SDK1: variants seen among roughly 807,000 people sequenced by gnomAD.
SDK1 encodes the protein protein sidekick-1.
SDK1 carries 157 observed loss-of-function variants against 245.5 expected under a neutral mutation model. The observed-to-expected ratio is 0.64, with a 90% CI of 0.56 to 0.73. SDK1 has a LOEUF of 0.73. Ranked by LOEUF, SDK1 falls within the 30% of genes least tolerant of loss-of-function variation. The pLI, the probability that SDK1 is intolerant of heterozygous loss-of-function variation, is 0.00. For missense variants in SDK1, 3,583 were observed against 3,002.3 expected, an observed-to-expected ratio of 1.19 and a Z score of -4.52; for synonymous variants, 1,647 against 1,278.5, an observed-to-expected ratio of 1.29 and a Z score of -6.15.
In SDK1 at chr7:3,959,047, A is replaced by G. The variant is rs1031377766; in HGVS notation, c.1234+33A>G. ...CAGAGTGGCTGCTGGACAAGGAGCC[A>G]TGACTGGGAGGAAGGGAAACAACCT... is the stretch of plus-strand genomic sequence containing the variant. On this transcript the variant is annotated intron_variant, in intron 8 of 44. Transcript: ENST00000404826. 3.3e-6 allele frequency: 5 copies of G among 1,528,162 alleles called. No individual in the cohort carries two copies. In the South Asian group the frequency reaches 3.4e-5, roughly 10 times the overall value. 94.7% of individuals were successfully genotyped at this position (1,528,162 alleles called of 1,614,324 possible).
chr7:3,768,663 G>A (rs560200435), intron 4 of SDK1, among the ~76,000 whole-genome samples: 171 of 152,296 alleles, frequency 1.1e-3, no homozygotes, highest in African/African-American at 3.7e-3. Context: ...AAGTTTTCAC[G>A]TGTGCATCGG....
At chr7:3,897,590 C>A (rs938445499) in intron 5 of SDK1, among the ~76,000 whole-genome samples, 3 of 152,148 alleles carry the variant, frequency 2.0e-5, no homozygotes, top group Non-Finnish European at 4.4e-5. Flanking sequence ...TTATGTCTTT[C>A]CTTTCATGTG....
At chr7:4,045,168 A>G (rs1481848715) in intron 17 of SDK1, among the ~76,000 whole-genome samples, 1 of 152,122 alleles carries the variant, frequency 6.6e-6, no homozygotes, top group Non-Finnish European at 1.5e-5. Context: ...TTTCCCATCC[A>G]TTGGTTTAAA....
At chr7:3,365,586 A>T (rs892435166) in intron 1 of SDK1, among the ~76,000 whole-genome samples, 1 of 152,218 alleles carries the variant, frequency 6.6e-6, no homozygotes, top group Non-Finnish European at 1.5e-5. Context: ...TTATCTTACT[A>T]TACACATAAA....
intron 4 of SDK1, among the ~76,000 whole-genome samples, chr7:3,813,419 T>G (rs1211305428): frequency 7.0e-6 from 1 of 143,092 alleles, no homozygotes; most frequent in Non-Finnish European, 1.5e-5. Flanking sequence ...ATTTCATCCA[T>G]GTCCCTACAA....
At chr7:3,991,183 C>T (rs569027800) in intron 14 of SDK1, among the ~76,000 whole-genome samples, 7 of 152,304 alleles carry the variant, frequency 4.6e-5, no homozygotes, top group African/African-American at 7.2e-5. Flanking sequence ...CTGGGCCAGA[C>T]GGGCGACGAG....
At chr7:4,167,607 G>C (rs973682687) in intron 32 of SDK1, among the ~76,000 whole-genome samples, 5 of 152,128 alleles carry the variant, frequency 3.3e-5, no homozygotes, top group African/African-American at 1.2e-4. Flanking sequence ...GTTGAACTCC[G>C]GCAAGTCCCA....
At chr7:4,246,880 C>T (rs577415042) in intron 44 of SDK1, among the ~76,000 whole-genome samples, 23 of 152,174 alleles carry the variant, frequency 1.5e-4, no homozygotes, top group Admixed American at 3.9e-4. Context: ...AGGTCCTGTG[C>T]GGCGTGACCC....
At chr7:3,601,676 A>C (rs1314089317) in intron 1 of SDK1, among the ~76,000 whole-genome samples, 3 of 151,080 alleles carry the variant, frequency 2.0e-5, no homozygotes, top group African/African-American at 7.3e-5. Flanking sequence ...TATTTATTTA[A>C]ATTTTATTTT....
chr7:3,837,407 T>A (rs1780052386), intron 5 of SDK1, among the ~76,000 whole-genome samples: 1 of 152,226 alleles, frequency 6.6e-6, no homozygotes, highest in Non-Finnish European at 1.5e-5. Context: ...CTGTGCATTC[T>A]CCTAAGGAAG....
chr7:4,079,971 C>T (rs1444930166), intron 22 of SDK1, among the ~76,000 whole-genome samples: 1 of 152,164 alleles, frequency 6.6e-6, no homozygotes, highest in East Asian at 1.9e-4. Flanking sequence ...ATTCATTCAA[C>T]AATATTTTTA....
intron 1 of SDK1, among the ~76,000 whole-genome samples, chr7:3,539,440 A>G (rs1450228356): frequency 1.3e-5 from 2 of 152,140 alleles, no homozygotes; most frequent in African/African-American, 2.4e-5. Context: ...CTTTGCCTTT[A>G]TTACCTGGAG....
At chr7:3,359,960 A>G (rs948550102) in intron 1 of SDK1, among the ~76,000 whole-genome samples, 1 of 152,236 alleles carries the variant, frequency 6.6e-6, no homozygotes, top group Non-Finnish European at 1.5e-5. Flanking sequence ...ATTTACAGCA[A>G]CAGACACACT....
chr7:4,236,370 G>A (rs1786169170), intron 41 of SDK1, among the ~76,000 whole-genome samples: 1 of 152,208 alleles, frequency 6.6e-6, no homozygotes, highest in Non-Finnish European at 1.5e-5. Flanking sequence ...ACAGAAGGAA[G>A]AAGAGCGTCC....
At chr7:3,540,787 A>G (rs1352294416) in intron 1 of SDK1, among the ~76,000 whole-genome samples, 1 of 152,226 alleles carries the variant, frequency 6.6e-6, no homozygotes, top group African/African-American at 2.4e-5. Context: ...ATAAATTTTT[A>G]TGTTGAAAGC....
intron 2 of SDK1, among the ~76,000 whole-genome samples, chr7:3,627,811 G>C (rs1202544903): frequency 1.3e-5 from 2 of 152,122 alleles, no homozygotes; most frequent in African/African-American, 2.4e-5. Context: ...TATCTGAAGT[G>C]GATGCTCTCT....
chr7:3,763,387 A>C (rs1170893677), intron 4 of SDK1, among the ~76,000 whole-genome samples: 1 of 152,210 alleles, frequency 6.6e-6, no homozygotes, highest in Non-Finnish European at 1.5e-5. Flanking sequence ...AAGAATTGTA[A>C]AGTGAACATC....
At chr7:4,192,750 G>C (rs138262466) in intron 35 of SDK1, among the ~76,000 whole-genome samples, 3 of 151,598 alleles carry the variant, frequency 2.0e-5, no homozygotes, top group Non-Finnish European at 4.4e-5. Flanking sequence ...TCCAAGACCC[G>C]CCCGTGTCGA....
At chr7:3,448,153 G>GTCTT (rs1354929443) in intron 1 of SDK1, among the ~76,000 whole-genome samples, 3 of 152,014 alleles carry the variant, frequency 2.0e-5, no homozygotes, top group Non-Finnish European at 4.4e-5. Context: ...TCTTGTATAA[G>GTCTT]GTTCATTTTA....
Sources: gnomAD v4.1 joint callset for allele counts (sites outside exome capture counted in the v4.1 genomes callset) on GRCh38, gnomAD v4.1.1 for gene constraint, MANE v1.5 for transcripts, NCBI Gene and HGNC (gene_info 2026-07-23, HGNC 2026-07-21) for gene names.